Variants in DCTN4 observed in about 807,000 individuals in gnomAD.
DCTN4 encodes the protein dynactin 4 (p62).
DCTN4 carries 23 observed loss-of-function variants against 62.7 expected under a neutral mutation model. The observed-to-expected ratio is 0.37, with a 90% CI of 0.26 to 0.52. The LOEUF (loss-of-function observed/expected upper bound fraction) is 0.52, where lower values mean the gene tolerates loss of function less well. Ranked by LOEUF, DCTN4 falls within the 20% of genes least tolerant of loss-of-function variation. The pLI is 0.92. For synonymous variants in DCTN4, 199 were observed against 202.1 expected (o/e 0.98, Z 0.13); for missense variants, 514 against 580.4 (o/e 0.89, Z 1.18).
chr5:150,732,421 G>C (rs1441419381), intron 5 of DCTN4, among the ~76,000 whole-genome samples: 3 of 152,214 alleles, frequency 2.0e-5, no homozygotes, highest in Non-Finnish European at 4.4e-5. Context: ...AAAGTGCTGG[G>C]ATTACAGGCG....
intron 10 of DCTN4, 27 bp from the exon 11 acceptor site, chr5:150,718,410 G>T: frequency 6.5e-7 from 1 of 1,530,920 alleles, no homozygotes; most frequent in Non-Finnish European, 9.0e-7. Flanking sequence ...ACATCTCTCA[G>T]ACATTCGCCA....
chr5:150,716,929 A>AG (rs1310259895), intron 11 of DCTN4, among the ~76,000 whole-genome samples: 1 of 151,432 alleles, frequency 6.6e-6, no homozygotes, highest in African/African-American at 2.4e-5. Context: ...AAAAAAAAAA[A>AG]GCAACAAGGA....
At chr5:150,718,462 C>T (rs997425688) in intron 10 of DCTN4, 79 bp from the exon 11 acceptor site, 3 of 906,814 alleles carry the variant, frequency 3.3e-6, no homozygotes, top group African/African-American at 1.7e-5. Flanking sequence ...AAATTACCAT[C>T]CCCGCCATTA....
At chr5:150,749,764 CAT>C (rs1328437037) in intron 3 of DCTN4, among the ~76,000 whole-genome samples, 1 of 152,084 alleles carries the variant, frequency 6.6e-6, no homozygotes, top group Non-Finnish European at 1.5e-5. Flanking sequence ...AAAATGAAAA[CAT>C]ATATTCACAC....
In DCTN4 at chr5:150,711,337, T is replaced by A; in HGVS notation, c.1195A>T (p.Lys399Ter). The change falls in exon 13 of 13, where the codon AAA becomes TAA. Residue 399 changes from lysine (K) to a stop codon, truncating the protein, a stop_gained. Coordinates refer to ENST00000447998, the MANE Select transcript of DCTN4 (RefSeq NM_016221.4). LOFTEE classifies it high-confidence loss of function. ...GTAACTTTGATGAAAATACCCACTT[T>A]GTTGGCCTTTCTGAAGGCTATAATG... The part of the protein sequence containing the change: ...PDIIAFRKAN[K>*]VGIFIKVTPQ... The A allele has an allele frequency of 6.2e-7, 1 of 1,613,254 alleles. No homozygotes were observed. The highest frequency in any genetic ancestry group is 8.5e-7 in the Non-Finnish European group (1 of 1,180,018).
At position 150,731,480 on chromosome 5, in the gene DCTN4, C is replaced by T. The variant is rs1041037992; in HGVS notation, c.547G>A (p.Gly183Ser). ...YMPLAFSDKY[G>S]LGTRLQRPRA... ...GGTCGCTGAAGCCTGGTTCCAAGAC[C>T]ATATTTGTCCTAAACAAAGTTCAGA... is the stretch of plus-strand genomic sequence containing the variant. The change falls in exon 6 of 13, where the codon GGT becomes AGT. Residue 183 changes from glycine (G) to serine (S), a missense_variant. Physicochemically the swap from Gly to Ser is moderately conservative, Grantham distance 56. Transcript: ENST00000447998. 3 of 1,613,208 alleles carry T rather than the reference C, an allele frequency of 1.9e-6. No individual in the cohort carries two copies. The highest frequency in any genetic ancestry group is 2.2e-5 in the South Asian group (2 of 91,024).
At chr5:150,758,084 T>C (rs1349170265) in intron 1 of DCTN4, 1 of 985,346 alleles carries the variant, frequency 1.0e-6, no homozygotes, top group Admixed American at 6.1e-5. Context: ...AGACTATGGC[T>C]TATTAAACAG....
At chr5:150,743,584 G>A (rs1760850099) in intron 3 of DCTN4, among the ~76,000 whole-genome samples, 1 of 152,094 alleles carries the variant, frequency 6.6e-6, no homozygotes, top group Admixed American at 6.5e-5. Context: ...ACACGGCCGG[G>A]TACTCCTCTG....
intron 3 of DCTN4, 34 bp downstream of exon 3, chr5:150,753,445 T>C: frequency 6.3e-7 from 1 of 1,598,412 alleles, no homozygotes; most frequent in Non-Finnish European, 8.6e-7. Flanking sequence ...CTGTCAATTG[T>C]ACAAAATTTC....
At chr5:150,736,512 C>T (rs1335806641) in intron 4 of DCTN4, among the ~76,000 whole-genome samples, 3 of 152,142 alleles carry the variant, frequency 2.0e-5, no homozygotes, top group African/African-American at 7.2e-5. Context: ...CGAAACTAAG[C>T]TTTGTAAATG....
At chr5:150,739,246 A>G (rs1301184291) in intron 4 of DCTN4, among the ~76,000 whole-genome samples, 1 of 152,156 alleles carries the variant, frequency 6.6e-6, no homozygotes, top group Non-Finnish European at 1.5e-5. Flanking sequence ...TACAGAAATC[A>G]GTAGCACTGC....
Position 150,711,017 on chromosome 5 carries a change from T to C in DCTN4, c.*132A>G. 1 of 907,788 alleles carries C rather than the reference T, an allele frequency of 1.1e-6. No homozygotes were observed. Among genetic ancestry groups the C allele is most frequent in the Non-Finnish European group, 1.7e-6 (1 of 595,546 alleles). The allele number at this position is 907,788 out of a possible 1,614,324, so 56.2% of individuals were successfully genotyped here. On this transcript the variant is annotated 3_prime_UTR_variant, in exon 13 of 13. Coordinates refer to ENST00000447998, the MANE Select transcript of DCTN4 (RefSeq NM_016221.4). ...CCAATGCCTTGCCTATGCTCCCACT[T>C]TCTTAGCAATAGAATTCCGTAGTGC...
At chr5:150,741,283 T>C (rs956800644) in intron 4 of DCTN4, among the ~76,000 whole-genome samples, 3 of 152,158 alleles carry the variant, frequency 2.0e-5, no homozygotes. Context: ...GTATCAACTA[T>C]TACTGGTTTA....
intron 12 of DCTN4, among the ~76,000 whole-genome samples, chr5:150,714,648 T>C (rs1581561498): frequency 1.3e-5 from 2 of 152,300 alleles, no homozygotes; most frequent in East Asian, 1.9e-4. Flanking sequence ...GTGTTGAGAA[T>C]ACAGGGGTAA....
At chr5:150,717,042 T>C (rs1759787205) in intron 11 of DCTN4, among the ~76,000 whole-genome samples, 1 of 151,944 alleles carries the variant, frequency 6.6e-6, no homozygotes, top group South Asian at 2.1e-4. Flanking sequence ...AATTCTCTAA[T>C]ATTATTTGAA....
chr5:150,730,012 C>T (rs912845791), intron 8 of DCTN4, among the ~76,000 whole-genome samples: 7 of 152,076 alleles, frequency 4.6e-5, no homozygotes, highest in Non-Finnish European at 7.4e-5. Context: ...TAGCCACTAG[C>T]GACATGTGGT....
At chr5:150,744,895 T>A (rs1273179887) in intron 3 of DCTN4, among the ~76,000 whole-genome samples, 1 of 149,766 alleles carries the variant, frequency 6.7e-6, no homozygotes, top group Non-Finnish European at 1.5e-5. Flanking sequence ...ACGAGCAAAA[T>A]AACCAGCTAA....
At chr5:150,714,766 C>T (rs374678380) in intron 12 of DCTN4, among the ~76,000 whole-genome samples, 82 of 152,248 alleles carry the variant, frequency 5.4e-4, no homozygotes, top group African/African-American at 1.8e-3. Context: ...TTTGCCATCA[C>T]GAGATGCCAG....
chr5:150,731,721 A>G (rs111697398), intron 5 of DCTN4: 53 of 697,714 alleles, frequency 7.6e-5, no homozygotes, highest in Non-Finnish European at 1.2e-4. Context: ...TACAGTAAAA[A>G]TGAACCAAAT....
Sources: allele counts gnomAD v4.1 joint callset (sites outside exome capture counted in the v4.1 genomes callset), GRCh38; gene constraint gnomAD v4.1.1; transcripts MANE v1.5; gene names NCBI Gene and HGNC (gene_info 2026-07-23, HGNC 2026-07-21).